The following TSHZ2 variants were observed in gnomAD, a reference collection of about 807,000 sequenced individuals.
TSHZ2 encodes teashirt homolog 2.
In TSHZ2, 21 loss-of-function variants were observed where a neutral mutation model predicts 74.4. The ratio of observed to expected loss-of-function variants is 0.28; its 90% CI spans 0.20 to 0.41. The LOEUF (loss-of-function observed/expected upper bound fraction) is 0.41. Ranked by LOEUF, TSHZ2 falls within the 10% of genes least tolerant of loss-of-function variation. The probability of loss-of-function intolerance (pLI) is 1.00; values close to 1 mark genes in which losing one functional copy is unlikely to be tolerated. For missense variants in TSHZ2, 1,244 were observed against 1,293.5 expected, an observed-to-expected ratio of 0.96 and a Z score of 0.59; for synonymous variants, 540 against 515.3, an observed-to-expected ratio of 1.05 and a Z score of -0.65.
intron 1 of TSHZ2, among the ~76,000 whole-genome samples, chr20:53,068,535 T>G (rs76923898): frequency 1.3e-5 from 2 of 152,248 alleles, no homozygotes; most frequent in Non-Finnish European, 2.9e-5. Context: ...CCGAGTCTAG[T>G]TGCTTTGCCA....
rs1005676931 is a variant in TSHZ2 at position 52,973,169 on chromosome 20, C to CT, written c.-125_-124insT. The CT allele has an allele frequency of 2.6e-4, 324 of 1,266,328 alleles. 1 individual carries two copies. Among genetic ancestry groups the CT allele is most frequent in the Non-Finnish European group, 5.3e-5 (48 of 905,668 alleles). The allele number at this position is 1,266,328 out of a possible 1,614,324, so 78.4% of individuals were successfully genotyped here. ...GGGGGATCGTCAGGGGGACAGAGGC[C>CT]GAGTGACGTCCTAGGAGCCACCGGG... On this transcript the variant is annotated 5_prime_UTR_variant, in exon 1 of 3. It introduces an in-frame stop codon into an upstream open reading frame of the 5' UTR. Coordinates refer to ENST00000371497, the MANE Select transcript of TSHZ2 (RefSeq NM_173485.6).
rs1424717762 is a variant in TSHZ2 at position 53,050,116 on chromosome 20, T to TACACAC, written c.40+76784_40+76785insCACACA. 1.3e-4 allele frequency among the ~76,000 whole-genome samples: 13 copies of TACACAC among 96,436 alleles called. 1 individual carries two copies. The highest frequency in any genetic ancestry group is 8.7e-4 in the African/African-American group (11 of 12,634). The allele number at this position is 96,436 out of a possible 152,430, so 63.3% of individuals were successfully genotyped here. ...ATGTATATGTGTGTATATATATATA[T>TACACAC]ATATATATACACATATATATATGTG... On this transcript the variant is annotated intron_variant, in intron 1 of 2. Transcript: ENST00000371497.
intron 2 of TSHZ2, among the ~76,000 whole-genome samples, chr20:53,322,651 A>G (rs1268797730): frequency 6.6e-6 from 1 of 152,158 alleles, no homozygotes; most frequent in African/African-American, 2.4e-5. Context: ...GCCCCTGACC[A>G]GTGACTATCC....
chr20:53,075,259 C>T (rs772351856), intron 1 of TSHZ2, among the ~76,000 whole-genome samples: 8 of 152,164 alleles, frequency 5.3e-5, no homozygotes, highest in Middle Eastern at 3.2e-3. Flanking sequence ...TCATTATTGC[C>T]TTCTTTGCTG....
chr20:53,409,658 C>A (rs749801608), intron 2 of TSHZ2, among the ~76,000 whole-genome samples: 8 of 151,952 alleles, frequency 5.3e-5, no homozygotes, highest in Non-Finnish European at 1.2e-4. Flanking sequence ...TCATGGAATT[C>A]TTTCATGAAG....
intron 2 of TSHZ2, among the ~76,000 whole-genome samples, chr20:53,360,698 T>C (rs2904359): frequency 0.19 from 28,672 of 152,168 alleles, 3,699 homozygotes; most frequent in East Asian, 0.52. Context: ...CCCAAAAATG[T>C]AGCATTATCC....
intron 1 of TSHZ2, among the ~76,000 whole-genome samples, chr20:53,192,360 A>G (rs1293381): frequency 0.37 from 55,393 of 151,574 alleles, 10,367 homozygotes; most frequent in East Asian, 0.52. Flanking sequence ...CCAAAGGACA[A>G]GGACAACCTC....
intron 1 of TSHZ2, among the ~76,000 whole-genome samples, chr20:53,095,816 C>T (rs151248533): frequency 6.0e-4 from 92 of 152,256 alleles, no homozygotes; most frequent in African/African-American, 1.9e-3. Context: ...GCCAAAACGG[C>T]CCCCAGTTGA....
chr20:53,319,939 G>A (rs371601448), intron 2 of TSHZ2, among the ~76,000 whole-genome samples: 21 of 152,170 alleles, frequency 1.4e-4, no homozygotes, highest in African/African-American at 4.6e-4. Context: ...CTCATTTCCC[G>A]GACTCACTGA....
intron 2 of TSHZ2, among the ~76,000 whole-genome samples, chr20:53,455,647 T>A (rs1319931748): frequency 6.6e-6 from 1 of 152,156 alleles, no homozygotes; most frequent in Non-Finnish European, 1.5e-5. Flanking sequence ...TGTGCCATGC[T>A]GGTGTGCTGC....
chr20:53,449,447 G>A (rs1299233716), intron 2 of TSHZ2, among the ~76,000 whole-genome samples: 4 of 152,200 alleles, frequency 2.6e-5, no homozygotes, highest in Non-Finnish European at 4.4e-5. Context: ...GTCAGGCACC[G>A]TTGAAGGCTG....
intron 2 of TSHZ2, among the ~76,000 whole-genome samples, chr20:53,362,432 C>A (rs1247030233): frequency 1.3e-5 from 2 of 152,054 alleles, no homozygotes; most frequent in African/African-American, 4.8e-5. Context: ...GATCTGCCCA[C>A]CTCGGCCTCC....
At chr20:53,445,534 G>A (rs1286059269) in intron 2 of TSHZ2, among the ~76,000 whole-genome samples, 1 of 152,186 alleles carries the variant, frequency 6.6e-6, no homozygotes, top group Non-Finnish European at 1.5e-5. Context: ...ATTACTCAAA[G>A]ATGCAGTGTC....
At position 53,221,713 on chromosome 20, in the gene TSHZ2, G is replaced by A. The variant is rs545127966; in HGVS notation, c.41-31786G>A. Among the ~76,000 whole-genome samples the A allele has an allele frequency of 7.9e-5, 12 of 152,160 alleles. No individual in the cohort carries two copies. In the East Asian group the frequency reaches 1.9e-3, roughly 24 times the overall value. ...ACTTGCTTTTTTTCCCCTCCTAAAC[G>A]TGTTTGAGAGCAATATTGTTTCGTA... On this transcript the variant is annotated intron_variant, in intron 1 of 2. Transcript: ENST00000371497.
chr20:53,403,335 A>G (rs1219113706), intron 2 of TSHZ2, among the ~76,000 whole-genome samples: 1 of 152,142 alleles, frequency 6.6e-6, no homozygotes, highest in African/African-American at 2.4e-5. Flanking sequence ...TCCATAAATA[A>G]ATGAAATTAA....
At chr20:53,038,387 T>G (rs6022241) in intron 1 of TSHZ2, among the ~76,000 whole-genome samples, 1 of 151,748 alleles carries the variant, frequency 6.6e-6, no homozygotes, top group Non-Finnish European at 1.5e-5. Flanking sequence ...GTTTCTCCCC[T>G]GGGGAAGAGT....
rs6097329 is a variant in TSHZ2 at position 53,278,132 on chromosome 20, G to C, written c.*8+21561G>C. On this transcript the variant is annotated intron_variant, in intron 2 of 2. Coordinates refer to ENST00000371497, the MANE Select transcript of TSHZ2 (RefSeq NM_173485.6). ...TATAGTCCTTCTGATCCTTATATTA[G>C]CCTTTCTCATCATTTAAATCTCAGC... 3.3e-5 allele frequency among the ~76,000 whole-genome samples: 5 copies of C among 152,070 alleles called. No homozygotes were observed. The South Asian group carries it at 1.0e-3, about 32-fold the overall frequency.
rs192185493 is a variant in TSHZ2 at position 53,040,100 on chromosome 20, G to A, written c.40+66767G>A. Reference sequence around the variant, plus strand: ...CAGCCTGGAGACAGAGCAAGACTCCGTCTAAAAAAACAAAAACAGTGAATA... The same window carrying A: ...CAGCCTGGAGACAGAGCAAGACTCCATCTAAAAAAACAAAAACAGTGAATA... On this transcript the variant is annotated intron_variant, in intron 1 of 2. Coordinates refer to ENST00000371497, the MANE Select transcript of TSHZ2 (RefSeq NM_173485.6). Among the ~76,000 whole-genome samples, 530 of 152,200 alleles carry A rather than the reference G, an allele frequency of 3.5e-3. 2 individuals carry two copies. Among genetic ancestry groups the A allele is most frequent in the African/African-American group, 9.8e-3 (406 of 41,528 alleles).
intron 1 of TSHZ2, among the ~76,000 whole-genome samples, chr20:53,142,451 G>A (rs1258925155): frequency 2.0e-5 from 3 of 152,188 alleles, no homozygotes; most frequent in African/African-American, 7.2e-5. Flanking sequence ...GCCAATCACT[G>A]TGGTCAGAGG....
Sources: gnomAD v4.1 joint callset for allele counts (sites outside exome capture counted in the v4.1 genomes callset) on GRCh38, gnomAD v4.1.1 for gene constraint, MANE v1.5 for transcripts, NCBI Gene and HGNC (gene_info 2026-07-23, HGNC 2026-07-21) for gene names.